The following PLXNC1 variants were observed in gnomAD, a reference collection of about 807,000 sequenced individuals.
PLXNC1 encodes the protein plexin C1, also known as plexin-C1.
Under a neutral mutation model 178.2 loss-of-function variants are expected in PLXNC1, and 75 were observed. The ratio of observed to expected loss-of-function variants is 0.42; its 90% confidence interval spans 0.35 to 0.51. The LOEUF is 0.51. PLXNC1 is among the 20% of genes least tolerant of loss of function. The pLI is 0.02. For missense variants in PLXNC1, 1,503 were observed against 1,984.4 expected (o/e 0.76, Z 4.61); for synonymous variants, 790 against 779.9 (o/e 1.01, Z -0.22).
intron 9 of PLXNC1, among the ~76,000 whole-genome samples, chr12:94,237,259 A>G (rs1466716519): frequency 1.3e-5 from 2 of 152,214 alleles, no homozygotes; most frequent in African/African-American, 4.8e-5. Context: ...ATTTATTTCA[A>G]CTTAACGATG....
intron 1 of PLXNC1, among the ~76,000 whole-genome samples, chr12:94,155,122 T>C (rs1174319447): frequency 6.6e-6 from 1 of 152,242 alleles, no homozygotes; most frequent in Non-Finnish European, 1.5e-5. Flanking sequence ...TTCCATTCAT[T>C]GGAATACCAG....
chr12:94,302,692 T>C (rs1968584552), intron 28 of PLXNC1, among the ~76,000 whole-genome samples: 1 of 152,208 alleles, frequency 6.6e-6, no homozygotes, highest in Admixed American at 6.5e-5. Flanking sequence ...AAGTCTTGCC[T>C]GAAACCACAC....
chr12:94,179,586 C>G (rs1305679511), intron 2 of PLXNC1, among the ~76,000 whole-genome samples: 1 of 151,826 alleles, frequency 6.6e-6, no homozygotes, highest in Non-Finnish European at 1.5e-5. Context: ...ACTAAAAATA[C>G]AAAAATTAGC....
intron 6 of PLXNC1, among the ~76,000 whole-genome samples, chr12:94,220,548 C>T (rs937830759): frequency 1.3e-5 from 2 of 152,224 alleles, no homozygotes; most frequent in African/African-American, 4.8e-5. Flanking sequence ...TGCATTCATA[C>T]ATCCATCCAG....
chr12:94,211,823 T>C (rs1033050443), intron 5 of PLXNC1, among the ~76,000 whole-genome samples: 1 of 152,140 alleles, frequency 6.6e-6, no homozygotes, highest in East Asian at 1.9e-4. Context: ...CTTATATTGA[T>C]CAAAAAATGC....
intron 6 of PLXNC1, among the ~76,000 whole-genome samples, chr12:94,223,250 C>T (rs56339659): frequency 0.24 from 35,820 of 152,104 alleles, 4,481 homozygotes; most frequent in African/African-American, 0.3. Context: ...CCCGTCTCAA[C>T]TAAAATAAAT....
intron 4 of PLXNC1, among the ~76,000 whole-genome samples, chr12:94,202,024 G>C (rs1963144792): frequency 6.6e-6 from 1 of 151,928 alleles, no homozygotes; most frequent in South Asian, 2.1e-4. Context: ...CTCCCAAAGT[G>C]CTGGGATTAC....
intron 4 of PLXNC1, among the ~76,000 whole-genome samples, chr12:94,202,277 G>C (rs1963159294): frequency 6.6e-6 from 1 of 152,222 alleles, no homozygotes; most frequent in East Asian, 1.9e-4. Flanking sequence ...ATAAGAGAAG[G>C]AACTTAACTG....
intron 23 of PLXNC1, among the ~76,000 whole-genome samples, chr12:94,288,564 C>G (rs905155376): frequency 2.0e-5 from 3 of 152,222 alleles, no homozygotes; most frequent in African/African-American, 4.8e-5. Context: ...TGTAAGCCCT[C>G]CCCTGGATGT....
At chr12:94,219,866 C>G in intron 5 of PLXNC1, 150 bp from the exon 6 acceptor site, 1 of 423,690 alleles carries the variant, frequency 2.4e-6, no homozygotes, top group Non-Finnish European at 4.2e-6. Flanking sequence ...GTGTCTTGCT[C>G]TGTCACCCAG....
Position 94,306,395 on chromosome 12 carries a change from T to C in PLXNC1, c.*1110T>C, listed in dbSNP as rs1336552341. ...AGTATTCCTCGCAGGAGAAAGAATTTAAAATACCCATTTTATTCATGCCTT... is the reference window on the plus strand; with the variant it reads ...AGTATTCCTCGCAGGAGAAAGAATTCAAAATACCCATTTTATTCATGCCTT... On this transcript the variant is annotated 3_prime_UTR_variant, in exon 31 of 31. Transcript: ENST00000258526. 1.3e-5 allele frequency: 2 copies of C among 152,198 alleles called. No homozygotes were observed. The highest frequency in any genetic ancestry group is 4.8e-5 in the African/African-American group (2 of 41,458). 9.4% of individuals were successfully genotyped at this position (152,198 alleles called of 1,614,324 possible). A position where few individuals can be genotyped will look rare whatever the true frequency, so the allele number is the denominator to read the frequency against.
At chr12:94,268,979 GACTC>G (rs1339050756) in intron 21 of PLXNC1, among the ~76,000 whole-genome samples, 1 of 152,116 alleles carries the variant, frequency 6.6e-6, no homozygotes, top group East Asian at 1.9e-4. Context: ...GAGTATCTCA[GACTC>G]ACTCAGCTTA....
intron 4 of PLXNC1, among the ~76,000 whole-genome samples, chr12:94,193,382 G>A (rs577692647): frequency 6.6e-6 from 1 of 152,252 alleles, no homozygotes; most frequent in African/African-American, 2.4e-5. Context: ...AGGGAAGGAA[G>A]TGGGTGGATT....
Position 94,260,412 on chromosome 12 carries a change from C to T in PLXNC1, c.3252-230C>T, listed in dbSNP as rs1964962184. On this transcript the variant is annotated intron_variant, in intron 19 of 30. Transcript: ENST00000258526. The surrounding 1 kb of genome is among the most constrained non-coding windows in gnomAD (Gnocchi z 4.4). ...GTTAATTTTTATTTTTAAAACATCC[C>T]GAAACTTTGGAAGACTCACATCTTG... 1.3e-5 allele frequency among the ~76,000 whole-genome samples: 2 copies of T among 151,670 alleles called. No homozygotes were observed.
At chr12:94,278,068 C>T (rs1216712836) in intron 21 of PLXNC1, 1 of 455,964 alleles carries the variant, frequency 2.2e-6, no homozygotes, top group South Asian at 1.5e-5. Flanking sequence ...CCCCCTCCCT[C>T]TGTCTCTGTA....
intron 24 of PLXNC1, among the ~76,000 whole-genome samples, chr12:94,295,903 C>T (rs971609665): frequency 7.9e-5 from 12 of 152,210 alleles, no homozygotes; most frequent in Non-Finnish European, 1.5e-4. Flanking sequence ...ACCCTGCACT[C>T]TTTACAGAGA....
chr12:94,201,748 C>CTTTTTTTTTTT lies in PLXNC1; in HGVS notation c.1440-7814_1440-7804dup, dbSNP rs10529488. Reference sequence around the variant, plus strand: ...TCTGCCTGGACTGCTCTTCCCACTACTTTTTTTTTTTTTTTTTTTTTTTTT... The same window carrying CTTTTTTTTTTT: ...TCTGCCTGGACTGCTCTTCCCACTACTTTTTTTTTTTTTTTTTTTTTTTTTTTTTTTTTTTT... On this transcript the variant is annotated intron_variant, in intron 4 of 30. Transcript: ENST00000258526. Among the ~76,000 whole-genome samples the CTTTTTTTTTTT allele has an allele frequency of 1.3e-4, 7 of 54,422 alleles. 1 individual carries two copies. The highest frequency in any genetic ancestry group is 5.1e-4 in the African/African-American group (7 of 13,690). 35.7% of individuals were successfully genotyped at this position (54,422 alleles called of 152,430 possible). A position where few individuals can be genotyped will look rare whatever the true frequency, so the allele number is the denominator to read the frequency against.
chr12:94,221,425 A>C (rs1963792495), intron 6 of PLXNC1, among the ~76,000 whole-genome samples: 2 of 152,016 alleles, frequency 1.3e-5, no homozygotes, highest in South Asian at 4.2e-4. Flanking sequence ...GGGGATGGAG[A>C]GAAGTGGATT....
chr12:94,279,541 A>C lies in PLXNC1; in HGVS notation c.3667A>C (p.Asn1223His). 6.2e-7 allele frequency: 1 copy of C among 1,614,100 alleles called. No individual in the cohort carries two copies. The highest frequency in any genetic ancestry group is 8.5e-7 in the Non-Finnish European group (1 of 1,179,912). The change falls in exon 22 of 31, where the codon AAT becomes CAT. Residue 1223 changes from asparagine (N) to histidine (H), a missense_variant. Asn to His is a moderately conservative substitution (Grantham distance 68). Transcript: ENST00000258526. ...AGATGTCTGTCGGAATATTTCAGTCAATGTTCTCGACTGTGACACCATTGG... is the reference window on the plus strand; with the variant it reads ...AGATGTCTGTCGGAATATTTCAGTCCATGTTCTCGACTGTGACACCATTGG... ...SADVCRNISV[N>H]VLDCDTIGQA...
Sources: gnomAD v4.1 joint callset for allele counts (sites outside exome capture counted in the v4.1 genomes callset) on GRCh38, gnomAD v4.1.1 for gene constraint, Gnocchi (gnomAD v3.1) non-coding constraint, MANE v1.5 for transcripts, NCBI Gene and HGNC (gene_info 2026-07-23, HGNC 2026-07-21) for gene names.